Variants in FAXDC2 observed in about 807,000 individuals in gnomAD.
The protein encoded by FAXDC2 is fatty acid hydroxylase domain containing 2.
A neutral mutation model predicts 40.9 loss-of-function variants in FAXDC2; 41 were observed. The observed-to-expected ratio is 1.00, with a 90% CI of 0.78 to 1.30. The LOEUF (loss-of-function observed/expected upper bound fraction) is 1.30. Among genes scored for constraint, FAXDC2 ranks in the 50% most tolerant of loss-of-function variants. The pLI is 0.00. For synonymous variants in FAXDC2, 157 were observed against 149.3 expected (o/e 1.05, Z -0.38); for missense variants, 390 against 408.8 (o/e 0.95, Z 0.40).
chr5:154,829,102 AGGCTGG>A (rs1456902443), intron 5 of FAXDC2, among the ~76,000 whole-genome samples: 1 of 151,944 alleles, frequency 6.6e-6, no homozygotes, highest in African/African-American at 2.4e-5. Flanking sequence ...CATGTTGCCC[AGGCTGG>A]TCTTGAACTC....
intron 5 of FAXDC2, chr5:154,824,721 C>T: frequency 1.7e-6 from 1 of 584,864 alleles, no homozygotes; most frequent in Non-Finnish European, 3.1e-6. Flanking sequence ...AAAGCATGAG[C>T]AAAACAAAGA....
intron 4 of FAXDC2, among the ~76,000 whole-genome samples, chr5:154,832,490 T>C (rs1754141247): frequency 6.6e-6 from 1 of 152,158 alleles, no homozygotes; most frequent in South Asian, 2.1e-4. Flanking sequence ...CGTGAGCCAC[T>C]GCGCCTGGCC....
intron 7 of FAXDC2, 58 bp from the exon 8 acceptor site, chr5:154,821,484 G>T: frequency 2.8e-6 from 4 of 1,420,174 alleles, no homozygotes; most frequent in South Asian, 1.3e-5. Flanking sequence ...ACTTAGTTGG[G>T]TATACACTTA....
chr5:154,839,508 T>A (rs930152538), intron 1 of FAXDC2, among the ~76,000 whole-genome samples: 2 of 150,568 alleles, frequency 1.3e-5, no homozygotes, highest in African/African-American at 4.9e-5. Flanking sequence ...ATTAGCCAGG[T>A]GTGGTAGCAC....
intron 1 of FAXDC2, among the ~76,000 whole-genome samples, chr5:154,845,390 G>A (rs1354570093): frequency 6.6e-6 from 1 of 152,222 alleles, no homozygotes; most frequent in Non-Finnish European, 1.5e-5. Flanking sequence ...ATACACTGAA[G>A]TACCATAGTC....
chr5:154,832,958 T>C (rs1182053488), intron 4 of FAXDC2, among the ~76,000 whole-genome samples: 1 of 152,240 alleles, frequency 6.6e-6, no homozygotes, highest in Admixed American at 6.5e-5. Flanking sequence ...TTTTGCTTTA[T>C]AGCAACTGAC....
intron 1 of FAXDC2, 79 bp from the exon 2 acceptor site, chr5:154,838,257 G>A (rs187921447): frequency 1.5e-6 from 2 of 1,311,920 alleles, no homozygotes; most frequent in African/African-American, 3.0e-5. Flanking sequence ...GAAAGTCAAA[G>A]TGTATGGCTA....
chr5:154,822,934 T>C (rs907704942), intron 6 of FAXDC2, among the ~76,000 whole-genome samples: 1 of 152,220 alleles, frequency 6.6e-6, no homozygotes, highest in Non-Finnish European at 1.5e-5. Context: ...ACTAGTGGTC[T>C]CCCTGTTAAC....
At position 154,848,245 on chromosome 5, in the gene FAXDC2, G is replaced by A. The variant is rs116266729; in HGVS notation, c.-1+2238C>T. On this transcript the variant is annotated intron_variant, in intron 1 of 8. Coordinates refer to ENST00000326080, the MANE Select transcript of FAXDC2 (RefSeq NM_032385.5). ...GTTGAGACAATTTACTCTTAGAGGGGGGAGAAAAAAGACCTCATGTTCATC... is the reference window on the plus strand; with the variant it reads ...GTTGAGACAATTTACTCTTAGAGGGAGGAGAAAAAAGACCTCATGTTCATC... Among the ~76,000 whole-genome samples the A allele has an allele frequency of 2.5e-3, 388 of 152,192 alleles. 3 individuals carry two copies. The highest frequency in any genetic ancestry group is 8.7e-3 in the African/African-American group (362 of 41,534).
At chr5:154,841,443 C>T (rs1760472484) in intron 1 of FAXDC2, among the ~76,000 whole-genome samples, 1 of 152,130 alleles carries the variant, frequency 6.6e-6, no homozygotes, top group South Asian at 2.1e-4. Flanking sequence ...TCTGCAGCAC[C>T]TGAGCTTCCA....
In FAXDC2 at chr5:154,835,883, CTTTTTTT is replaced by C. The variant is rs869068025; in HGVS notation, c.49-956_49-950del. On this transcript the variant is annotated intron_variant, in intron 2 of 8. Coordinates refer to ENST00000326080, the MANE Select transcript of FAXDC2 (RefSeq NM_032385.5). ...GGAGTGAGCCACCGCGCCCGGCCGACTTTTTTTTTTTTTTTTTTTTTTTTTTTTTTGA... is the reference window on the plus strand; with the variant it reads ...GGAGTGAGCCACCGCGCCCGGCCGACTTTTTTTTTTTTTTTTTTTTTTTGA... Among the ~76,000 whole-genome samples, 262 of 47,844 alleles carry C rather than the reference CTTTTTTT, an allele frequency of 5.5e-3. 1 individual carries two copies. Among genetic ancestry groups the C allele is most frequent in the African/African-American group, 0.018 (209 of 11,842 alleles). The allele number at this position is 47,844 out of a possible 152,430, so 31.4% of individuals were successfully genotyped here. A position where few individuals can be genotyped will look rare whatever the true frequency, so the allele number is the denominator to read the frequency against.
Position 154,838,018 on chromosome 5 carries a change from T to A in FAXDC2, c.48+113A>T. On this transcript the variant is annotated intron_variant, in intron 2 of 8. Transcript: ENST00000326080. ...TACTGAAAATGAAGACATTACCATG[T>A]GTCAGCCACCCCTAAACCTTGGGGG... The A allele has an allele frequency of 5.6e-6, 4 of 717,976 alleles. No individual in the cohort carries two copies. In the South Asian group the frequency reaches 6.5e-5, roughly 12 times the overall value. 44.5% of individuals were successfully genotyped at this position (717,976 alleles called of 1,614,324 possible).
rs757448924 is a variant in FAXDC2, at chr5:154,821,303, G to A, written c.802C>T (p.Pro268Ser). ...TTISHCGYHL[P>S]FLPSPEFHDY... ...TGGAATTCAGGCGAAGGCAGGAAGG[G>A]AAGGTGGTAGCCACAGTGGGAGATG... The change falls in exon 8 of 9, where the codon CCC becomes TCC. Residue 268 changes from proline to serine, a missense_variant. By Grantham distance (74) the Pro-to-Ser change is moderately conservative (BLOSUM62 -1). Coordinates refer to ENST00000326080, the MANE Select transcript of FAXDC2 (RefSeq NM_032385.5). 6.2e-7 allele frequency: 1 copy of A among 1,611,886 alleles called. No individual in the cohort carries two copies. The highest frequency in any genetic ancestry group is 1.7e-5 in the Admixed American group (1 of 59,716).
intron 1 of FAXDC2, among the ~76,000 whole-genome samples, chr5:154,849,286 C>CA (rs958610186): frequency 3.8e-4 from 57 of 151,238 alleles, no homozygotes; most frequent in Non-Finnish European, 5.9e-4. Flanking sequence ...TCTCAAAAAA[C>CA]AAAAAAAACA....
intron 7 of FAXDC2, 39 bp from the exon 8 acceptor site, chr5:154,821,465 G>C (rs757063347): frequency 6.4e-7 from 1 of 1,568,072 alleles, no homozygotes; most frequent in South Asian, 1.2e-5. Flanking sequence ...GGTCCAGGGA[G>C]ATGAAGGGAC....
rs140531605 is a variant in FAXDC2 at position 154,841,427 on chromosome 5, T to C, written c.1-3249A>G. On this transcript the variant is annotated intron_variant, in intron 1 of 8. Coordinates refer to ENST00000326080, the MANE Select transcript of FAXDC2 (RefSeq NM_032385.5). ...TTGGGGGTTAGAGGGTGCTCTGTAG[T>C]CATATTCTGCAGCACCTGAGCTTCC... Among the ~76,000 whole-genome samples the C allele has an allele frequency of 3.5e-4, 54 of 152,204 alleles. No individual in the cohort carries two copies. In the East Asian group the frequency reaches 9.8e-3, roughly 28 times the overall value.
chr5:154,820,553 C>G, intron 8 of FAXDC2, 81 bp from the exon 9 acceptor site: 1 of 1,215,586 alleles, frequency 8.2e-7, no homozygotes, highest in South Asian at 1.5e-5. Context: ...CAGCCTCACA[C>G]ATTTCTCAGC....
chr5:154,829,145 G>A (rs899723096), intron 5 of FAXDC2, among the ~76,000 whole-genome samples: 1 of 151,510 alleles, frequency 6.6e-6, no homozygotes, highest in Non-Finnish European at 1.5e-5. Flanking sequence ...TGCCCATCTC[G>A]GCCTCCCAAA....
chr5:154,845,372 AT>A (rs1433085390), intron 1 of FAXDC2, among the ~76,000 whole-genome samples: 1 of 152,212 alleles, frequency 6.6e-6, no homozygotes, highest in East Asian at 1.9e-4. Flanking sequence ...TAGCAACAAC[AT>A]TTACTAATAC....
Sources: gnomAD v4.1 joint callset for allele counts (sites outside exome capture counted in the v4.1 genomes callset) on GRCh38, gnomAD v4.1.1 for gene constraint, MANE v1.5 for transcripts, NCBI Gene and HGNC (gene_info 2026-07-23, HGNC 2026-07-21) for gene names.